The following SLC14A2 variants were observed in gnomAD, a reference collection of about 807,000 sequenced individuals.
SLC14A2 encodes urea transporter 2.
SLC14A2 carries 91 observed loss-of-function variants against 104.6 expected under a neutral mutation model. The ratio of observed to expected loss-of-function variants is 0.87; its 90% CI spans 0.73 to 1.04. The LOEUF (loss-of-function observed/expected upper bound fraction) is 1.04, where lower values mean the gene tolerates loss of function less well. Ranked by LOEUF, SLC14A2 falls within the 50% of genes least tolerant of loss-of-function variation. The pLI, the probability that SLC14A2 is intolerant of heterozygous loss-of-function variation, is 0.00. For synonymous variants in SLC14A2, 476 were observed against 466.4 expected, an observed-to-expected ratio of 1.02 and a Z score of -0.27; for missense variants, 1,189 against 1,156.0, an observed-to-expected ratio of 1.03 and a Z score of -0.41.
At chr18:45,223,080 G>A (rs1354079124) in intron 1 of SLC14A2, among the ~76,000 whole-genome samples, 2 of 152,214 alleles carry the variant, frequency 1.3e-5, no homozygotes, top group East Asian at 1.9e-4. Context: ...TCTATGCTAA[G>A]GCATTATAGT....
chr18:45,430,780 C>T (rs918206113), intron 1 of SLC14A2, among the ~76,000 whole-genome samples: 3 of 151,906 alleles, frequency 2.0e-5, no homozygotes, highest in African/African-American at 7.3e-5. Context: ...GAAAACCAGA[C>T]AGAGAAAGAG....
chr18:45,462,501 G>A (rs1030948388), intron 1 of SLC14A2, among the ~76,000 whole-genome samples: 6 of 152,234 alleles, frequency 3.9e-5, no homozygotes, highest in African/African-American at 1.4e-4. Context: ...AGGGTTCTGA[G>A]ATATGTGATT....
At chr18:45,510,907 A>G (rs918672740) in intron 2 of SLC14A2, among the ~76,000 whole-genome samples, 2 of 152,206 alleles carry the variant, frequency 1.3e-5, no homozygotes, top group South Asian at 4.1e-4. Flanking sequence ...GTCTGTACAC[A>G]GCACTCACAC....
intron 1 of SLC14A2, among the ~76,000 whole-genome samples, chr18:45,336,775 C>T (rs1372662488): frequency 3.3e-5 from 5 of 152,210 alleles, no homozygotes; most frequent in Non-Finnish European, 7.3e-5. Context: ...AAAACTAAAT[C>T]TACAGCCTGG....
At chr18:45,541,428 T>C (rs2043882078) in intron 2 of SLC14A2, among the ~76,000 whole-genome samples, 1 of 152,232 alleles carries the variant, frequency 6.6e-6, no homozygotes, top group Non-Finnish European at 1.5e-5. Context: ...AGTCCATTCA[T>C]CTGTCTCCAA....
chr18:45,521,526 G>A (rs1394361852), intron 2 of SLC14A2, among the ~76,000 whole-genome samples: 1 of 152,080 alleles, frequency 6.6e-6, no homozygotes, highest in Non-Finnish European at 1.5e-5. Context: ...AAAGAAGAGA[G>A]AGGACATTTA....
At chr18:45,344,708 A>G (rs1315843510) in intron 1 of SLC14A2, among the ~76,000 whole-genome samples, 1 of 152,204 alleles carries the variant, frequency 6.6e-6, no homozygotes, top group African/African-American at 2.4e-5. Flanking sequence ...GGAGTGAGGC[A>G]GAAATCAAAA....
At chr18:45,547,688 T>C (rs1486109405) in intron 2 of SLC14A2, among the ~76,000 whole-genome samples, 2 of 152,166 alleles carry the variant, frequency 1.3e-5, no homozygotes, top group Non-Finnish European at 2.9e-5. Context: ...ATGGGAATGA[T>C]AATGTCTAGG....
At chr18:45,510,372 G>A (rs1394302765) in intron 2 of SLC14A2, among the ~76,000 whole-genome samples, 1 of 152,128 alleles carries the variant, frequency 6.6e-6, no homozygotes, top group Non-Finnish European at 1.5e-5. Flanking sequence ...CTAAGCGTAG[G>A]TTTGATGGAA....
At chr18:45,254,660 G>C (rs1156282012) in intron 1 of SLC14A2, among the ~76,000 whole-genome samples, 1 of 152,072 alleles carries the variant, frequency 6.6e-6, no homozygotes, top group Non-Finnish European at 1.5e-5. Context: ...TTTGAGGAGA[G>C]AAATCCTCTA....
upstream of SLC14A2, among the ~76,000 whole-genome samples, chr18:45,209,107 CG>C (rs1230954539): frequency 6.9e-5 from 10 of 145,206 alleles, no homozygotes; most frequent in Non-Finnish European, 1.3e-4. Context: ...GAGGCTGAGG[CG>C]GGCGGATCAT....
the SLC14A2 span, among the ~76,000 whole-genome samples, chr18:45,175,416 T>TA: frequency 0.26 from 38,672 of 151,442 alleles, 5,250 homozygotes; most frequent in Non-Finnish European, 0.32. Flanking sequence ...AGAAAACGTT[T>TA]AAAAAAAAAT....
At chr18:45,258,884 A>G (rs1317883156) in intron 1 of SLC14A2, among the ~76,000 whole-genome samples, 1 of 152,192 alleles carries the variant, frequency 6.6e-6, no homozygotes, top group East Asian at 1.9e-4. Flanking sequence ...CTGGAACTCA[A>G]TGTAGTTTCT....
At chr18:45,473,360 G>T (rs1394199183) in intron 1 of SLC14A2, among the ~76,000 whole-genome samples, 2 of 152,170 alleles carry the variant, frequency 1.3e-5, no homozygotes, top group Admixed American at 1.3e-4. Context: ...AGCTACATGG[G>T]CTCTTTTTTG....
chr18:45,297,630 G>A lies in SLC14A2; in HGVS notation c.-125+84439G>A, dbSNP rs1038410791. Among the ~76,000 whole-genome samples, 4 of 151,834 alleles carry A rather than the reference G, an allele frequency of 2.6e-5. No individual in the cohort carries two copies. In the East Asian group the frequency reaches 5.8e-4, roughly 22 times the overall value. The stretch of plus-strand genomic sequence containing the variant: ...AAAATAGAAGTAAATATATCCACTC[G>A]GTTGATCCAACAGGATTGCTGGGAT... On this transcript the variant is annotated intron_variant, in intron 1 of 20. Coordinates refer to the SLC14A2 transcript ENST00000586448.
intron 1 of SLC14A2, among the ~76,000 whole-genome samples, chr18:45,240,861 C>T (rs552197777): frequency 6.6e-6 from 1 of 151,908 alleles, no homozygotes; most frequent in Non-Finnish European, 1.5e-5. Context: ...GGTTTCACCA[C>T]GTTGTCCAGG....
chr18:45,268,121 A>G (rs112872003), intron 1 of SLC14A2, among the ~76,000 whole-genome samples: 1 of 152,126 alleles, frequency 6.6e-6, no homozygotes, highest in Non-Finnish European at 1.5e-5. Context: ...AAAAAATTGT[A>G]ATCTCCAGGG....
intron 1 of SLC14A2, among the ~76,000 whole-genome samples, chr18:45,244,096 C>T (rs1309485986): frequency 6.6e-6 from 1 of 152,198 alleles, no homozygotes; most frequent in Non-Finnish European, 1.5e-5. Flanking sequence ...AAATCCTGGA[C>T]TGCCAAGTTC....
At chr18:45,452,603 T>A (rs2086875385) in intron 1 of SLC14A2, among the ~76,000 whole-genome samples, 1 of 152,192 alleles carries the variant, frequency 6.6e-6, no homozygotes. Context: ...TGTTTATTAT[T>A]TTTCTTGTCA....
Sources: gnomAD v4.1 joint callset for allele counts (sites outside exome capture counted in the v4.1 genomes callset) on GRCh38, gnomAD v4.1.1 for gene constraint, MANE v1.5 for transcripts, NCBI Gene and HGNC (gene_info 2026-07-23, HGNC 2026-07-21) for gene names.